The following DAB1 variants were observed in gnomAD, a reference collection of about 807,000 sequenced individuals.
The protein encoded by DAB1 is disabled homolog 1.
In DAB1, 15 loss-of-function variants were observed where a neutral mutation model predicts 64.6. The ratio of observed to expected loss-of-function variants is 0.23; its 90% confidence interval spans 0.16 to 0.36. DAB1 has a LOEUF of 0.36. Ranked by LOEUF, DAB1 falls within the 10% of genes least tolerant of loss-of-function variation. DAB1 has a pLI of 1.00. For missense variants in DAB1, 596 were observed against 706.7 expected (o/e 0.84, Z 1.78); for synonymous variants, 235 against 251.9 (o/e 0.93, Z 0.64).
At chr1:57,786,276 G>A (rs139090227) in intron 6 of DAB1, among the ~76,000 whole-genome samples, 94 of 152,192 alleles carry the variant, frequency 6.2e-4, no homozygotes, top group African/African-American at 1.7e-3. Flanking sequence ...CATGAACTTC[G>A]TTGTGGCCTG....
chr1:57,225,945 T>C (rs1293918571), intron 2 of DAB1, among the ~76,000 whole-genome samples: 1 of 152,204 alleles, frequency 6.6e-6, no homozygotes, highest in African/African-American at 2.4e-5. Context: ...GTTGTCATCT[T>C]ATTTGACATT....
At chr1:57,848,810 G>A (rs1167255435) in intron 1 of DAB1, among the ~76,000 whole-genome samples, 1 of 152,194 alleles carries the variant, frequency 6.6e-6, no homozygotes, top group East Asian at 1.9e-4. Context: ...GGTGGTAGGT[G>A]AGTGTTTAGT....
At chr1:58,155,368 G>C (rs1474487765) in intron 4 of DAB1, among the ~76,000 whole-genome samples, 1 of 152,084 alleles carries the variant, frequency 6.6e-6, no homozygotes, top group Non-Finnish European at 1.5e-5. Flanking sequence ...TTTAGGACAG[G>C]GTGCTGCTGA....
chr1:57,851,397 G>T (rs1200200718), intron 1 of DAB1, among the ~76,000 whole-genome samples: 2 of 152,198 alleles, frequency 1.3e-5, no homozygotes, highest in East Asian at 3.9e-4. Context: ...ACACAAACCA[G>T]CAGTGAAAGC....
At chr1:58,413,474 C>T (rs997442075) in intron 3 of DAB1, among the ~76,000 whole-genome samples, 6 of 152,072 alleles carry the variant, frequency 3.9e-5, no homozygotes, top group African/African-American at 7.2e-5. Flanking sequence ...CTTGGGTGAC[C>T]TTCTCCCAAA....
chr1:57,758,564 A>G (rs1357470021), intron 6 of DAB1, among the ~76,000 whole-genome samples: 1 of 152,156 alleles, frequency 6.6e-6, no homozygotes, highest in Non-Finnish European at 1.5e-5. Context: ...AAGCTCAGGG[A>G]TTGGAGGAGG....
chr1:57,070,973 C>T (rs2100593868), intron 7 of DAB1, 50 bp downstream of exon 7: 1 of 1,503,018 alleles, frequency 6.7e-7, no homozygotes. Flanking sequence ...GGCTCTGGCA[C>T]AGGTCTAGTC....
At chr1:58,245,680 A>G (rs535565870) in intron 4 of DAB1, among the ~76,000 whole-genome samples, 39 of 152,258 alleles carry the variant, frequency 2.6e-4, no homozygotes, top group African/African-American at 8.2e-4. Flanking sequence ...CTTGGAGCCT[A>G]GCTTTCTTTA....
chr1:57,412,026 G>T, intron 1 of DAB1, among the ~76,000 whole-genome samples: 1 of 152,092 alleles, frequency 6.6e-6, no homozygotes, highest in South Asian at 2.1e-4. Flanking sequence ...TCCTACTTTG[G>T]TAATTCTCAC....
chr1:57,765,854 C>T (rs1269259848), intron 6 of DAB1, among the ~76,000 whole-genome samples: 3 of 152,100 alleles, frequency 2.0e-5, no homozygotes, highest in African/African-American at 7.2e-5. Flanking sequence ...TGGTCTCAAA[C>T]TCCTGACCTC....
intron 2 of DAB1, among the ~76,000 whole-genome samples, chr1:57,193,618 C>G (rs1190711606): frequency 6.6e-6 from 1 of 152,096 alleles, no homozygotes; most frequent in African/African-American, 2.4e-5. Context: ...GATCTCCTGA[C>G]CTCGTGATCC....
At chr1:57,261,866 A>G (rs12085771) in intron 2 of DAB1, among the ~76,000 whole-genome samples, 11,047 of 152,254 alleles carry the variant, frequency 0.073, 1,352 homozygotes, top group African/African-American at 0.25. Context: ...AGTGCGGTAA[A>G]AAATGTCATT....
At chr1:57,841,168 C>G (rs141553430) in intron 1 of DAB1, among the ~76,000 whole-genome samples, 80 of 152,320 alleles carry the variant, frequency 5.3e-4, no homozygotes, top group Admixed American at 1.4e-3. Context: ...TCTTAAAGGT[C>G]CAAAATAATC....
At chr1:57,052,311 A>G (rs1024420346) in intron 9 of DAB1, among the ~76,000 whole-genome samples, 7 of 152,170 alleles carry the variant, frequency 4.6e-5, no homozygotes, top group Non-Finnish European at 1.0e-4. Flanking sequence ...AAAGGCTGGG[A>G]TGTCATATCT....
chr1:58,048,516 A>AACCC (rs1647395962), intron 5 of DAB1: 1 of 1,317,862 alleles, frequency 7.6e-7, no homozygotes, highest in Non-Finnish European at 1.1e-6. Context: ...CCTCCAGAGT[A>AACCC]ACCAGGGCCA....
chr1:58,179,693 A>G (rs1479086619), intron 4 of DAB1, among the ~76,000 whole-genome samples: 18 of 151,772 alleles, frequency 1.2e-4, no homozygotes, highest in African/African-American at 4.8e-5. Context: ...TTTCATTCCA[A>G]TTTTTTTCAT....
At chr1:57,175,326 T>TG (rs1266723074) in intron 2 of DAB1, among the ~76,000 whole-genome samples, 1 of 151,886 alleles carries the variant, frequency 6.6e-6, no homozygotes, top group Non-Finnish European at 1.5e-5. Context: ...TTTTTTTTTT[T>TG]TTTTTGAGTA....
chr1:57,523,358 A>T (rs964320973), intron 7 of DAB1, among the ~76,000 whole-genome samples: 2 of 152,180 alleles, frequency 1.3e-5, no homozygotes, highest in Admixed American at 6.5e-5. Flanking sequence ...ACAAGAGTGA[A>T]GTCTATTTGT....
At chr1:57,496,541 A>G (rs1480238301) in intron 7 of DAB1, among the ~76,000 whole-genome samples, 1 of 152,190 alleles carries the variant, frequency 6.6e-6, no homozygotes, top group Non-Finnish European at 1.5e-5. Flanking sequence ...TCTGATTGGC[A>G]TGCCAATCCT....
Sources: gnomAD v4.1 joint callset for allele counts (sites outside exome capture counted in the v4.1 genomes callset) on GRCh38, gnomAD v4.1.1 for gene constraint, MANE v1.5 for transcripts, NCBI Gene and HGNC (gene_info 2026-07-23, HGNC 2026-07-21) for gene names.